Variants in LRRC18 observed in about 807,000 individuals in gnomAD.
The protein encoded by LRRC18 is leucine-rich repeat-containing protein 18.
A neutral mutation model predicts 11.2 loss-of-function variants in LRRC18; 12 were observed. The ratio of observed to expected loss-of-function variants is 1.07; its 90% CI spans 0.69 to 1.74. The LOEUF is 1.74. Among genes scored for constraint, LRRC18 ranks in the 40% most tolerant of loss-of-function variants. The pLI, the probability that LRRC18 is intolerant of heterozygous loss-of-function variation, is 0.00. For synonymous variants in LRRC18, 155 were observed against 130.6 expected, an observed-to-expected ratio of 1.19 and a Z score of -1.27; for missense variants, 374 against 330.5, an observed-to-expected ratio of 1.13 and a Z score of -1.02.
the LRRC18 span, among the ~76,000 whole-genome samples, chr10:48,924,258 G>C: frequency 6.6e-6 from 1 of 152,216 alleles, no homozygotes; most frequent in South Asian, 2.1e-4. Flanking sequence ...CTCAGTTATA[G>C]AAGGCAGAGT....
chr10:48,924,044 G>C, the LRRC18 span, among the ~76,000 whole-genome samples: 1 of 152,210 alleles, frequency 6.6e-6, no homozygotes, highest in Non-Finnish European at 1.5e-5. Context: ...CTCCGTTAAG[G>C]AGCCTCTCTC....
chr10:48,918,437 C>A (rs1045257189), upstream of LRRC18, among the ~76,000 whole-genome samples: 2 of 152,108 alleles, frequency 1.3e-5, no homozygotes, highest in African/African-American at 4.8e-5. Context: ...TTATTAATGT[C>A]AGATAAAGCA....
At chr10:48,929,703 T>G in the LRRC18 span, among the ~76,000 whole-genome samples, 115 of 152,338 alleles carry the variant, frequency 7.5e-4, no homozygotes, top group Non-Finnish European at 1.2e-3. Context: ...TACTGCCTAC[T>G]TAGCATTTCT....
the LRRC18 span, among the ~76,000 whole-genome samples, chr10:48,919,270 C>T: frequency 6.6e-6 from 1 of 151,684 alleles, no homozygotes; most frequent in Non-Finnish European, 1.5e-5. Context: ...AATAAGAGAA[C>T]AGTACAAACA....
upstream of LRRC18, among the ~76,000 whole-genome samples, chr10:48,917,347 G>A (rs1476194616): frequency 2.6e-5 from 4 of 152,126 alleles, no homozygotes. Context: ...AAGGAAAAAT[G>A]GCTGAAAACT....
chr10:48,933,987 G>A, the LRRC18 span, among the ~76,000 whole-genome samples: 5 of 152,220 alleles, frequency 3.3e-5, no homozygotes, highest in South Asian at 6.2e-4. Context: ...CAACCACAGG[G>A]CTCAGGGGCC....
the LRRC18 span, among the ~76,000 whole-genome samples, chr10:48,926,029 T>C: frequency 2.0e-5 from 3 of 152,228 alleles, no homozygotes; most frequent in African/African-American, 7.2e-5. Flanking sequence ...TCAATGTGTC[T>C]GATACGCAAG....
At chr10:48,922,166 T>A in the LRRC18 span, among the ~76,000 whole-genome samples, 1 of 152,220 alleles carries the variant, frequency 6.6e-6, no homozygotes, top group African/African-American at 2.4e-5. Flanking sequence ...AAATATTAAA[T>A]GGAAAACCCC....
the LRRC18 span, among the ~76,000 whole-genome samples, chr10:48,922,035 AT>A: frequency 1.3e-5 from 2 of 152,190 alleles, no homozygotes; most frequent in African/African-American, 4.8e-5. Flanking sequence ...TAGCTGCTCT[AT>A]TCATAATTGC....
upstream of LRRC18, among the ~76,000 whole-genome samples, chr10:48,916,346 G>A (rs942208667): frequency 3.9e-5 from 6 of 152,196 alleles, no homozygotes; most frequent in South Asian, 1.2e-3. Context: ...GAGACAGTAA[G>A]GGAAATCTGT....
exon 1 of LRRC18, chr10:48,913,449 A>G (rs371122787): frequency 3.2e-5 from 52 of 1,613,142 alleles, no homozygotes; most frequent in Admixed American, 2.0e-4. Context: ...ATTGGGAAAG[A>G]TGGTCTTTCT....
the LRRC18 span, among the ~76,000 whole-genome samples, chr10:48,930,815 G>A: frequency 6.6e-6 from 1 of 151,948 alleles, no homozygotes; most frequent in Non-Finnish European, 1.5e-5. Context: ...TCCCAAAAAT[G>A]TCAAAAGGCA....
the LRRC18 span, among the ~76,000 whole-genome samples, chr10:48,937,667 C>T: frequency 3.3e-5 from 5 of 152,314 alleles, no homozygotes; most frequent in East Asian, 9.6e-4. Flanking sequence ...AGGTCTAGAA[C>T]TGTATGCAGA....
chr10:48,920,153 A>G, the LRRC18 span, among the ~76,000 whole-genome samples: 1 of 152,226 alleles, frequency 6.6e-6, no homozygotes, highest in Admixed American at 6.5e-5. Flanking sequence ...ATTGATGCAG[A>G]AAAGACATTT....
At chr10:48,913,979 C>G (rs2133504850) in exon 1 of LRRC18, 1 of 1,614,156 alleles carries the variant, frequency 6.2e-7, no homozygotes, top group East Asian at 2.2e-5. Flanking sequence ...TGATAAGATT[C>G]CGGCTAAGGT....
chr10:48,922,790 G>A, the LRRC18 span, among the ~76,000 whole-genome samples: 19 of 152,258 alleles, frequency 1.2e-4, no homozygotes, highest in Middle Eastern at 0.01. Context: ...TGTCTCAAAC[G>A]TCTACATGAA....
the LRRC18 span, among the ~76,000 whole-genome samples, chr10:48,926,700 A>G: frequency 1.3e-5 from 2 of 152,244 alleles, no homozygotes; most frequent in Non-Finnish European, 2.9e-5. Flanking sequence ...AAATATATAC[A>G]AATAGTATGA....
At chr10:48,929,269 G>A in the LRRC18 span, among the ~76,000 whole-genome samples, 3 of 152,006 alleles carry the variant, frequency 2.0e-5, no homozygotes, top group Non-Finnish European at 4.4e-5. Flanking sequence ...AGGAAAGGAA[G>A]GGAGGGTGGG....
chr10:48,919,929 G>T, the LRRC18 span, among the ~76,000 whole-genome samples: 1 of 152,110 alleles, frequency 6.6e-6, no homozygotes, highest in Non-Finnish European at 1.5e-5. Context: ...TTACCCTGAT[G>T]CTAAAATCAC....
Sources: allele counts gnomAD v4.1 joint callset (sites outside exome capture counted in the v4.1 genomes callset), GRCh38; gene constraint gnomAD v4.1.1; transcripts MANE v1.5; gene names NCBI Gene and HGNC (gene_info 2026-07-23, HGNC 2026-07-21).